The following TTC23L variants were observed in gnomAD, a reference collection of about 807,000 sequenced individuals.
The protein encoded by TTC23L is tetratricopeptide repeat domain 23 like.
Under a neutral mutation model 48.1 loss-of-function variants are expected in TTC23L, and 42 were observed. The observed-to-expected ratio is 0.87, with a 90% CI of 0.68 to 1.13. TTC23L has a LOEUF of 1.13. Among genes scored for constraint, TTC23L ranks in the 50% most tolerant of loss-of-function variants. The pLI is 0.00. For missense variants in TTC23L, 391 were observed against 421.0 expected (o/e 0.93, Z 0.62); for synonymous variants, 159 against 157.2 (o/e 1.01, Z -0.09).
chr5:34,882,079 C>G (rs1762261301), intron 9 of TTC23L, among the ~76,000 whole-genome samples: 1 of 152,160 alleles, frequency 6.6e-6, no homozygotes, highest in South Asian at 2.1e-4. Context: ...CATGAGATCC[C>G]AATGCCATGG....
At chr5:34,915,232 C>A in the TTC23L span, 3 of 328,540 alleles carry the variant, frequency 9.1e-6, no homozygotes, top group Non-Finnish European at 1.7e-5. Flanking sequence ...AGCTACAAAT[C>A]CGCGGGGAGT....
Position 34,896,761 on chromosome 5 carries a change from T to C in TTC23L, c.1078-9T>C. On this transcript the variant is annotated splice_polypyrimidine_tract_variant and intron_variant, in intron 9 of 10. Transcript: ENST00000505624. ...ATAGAGAGGGTGACATTTGAGCCAT[T>C]TCTTAAAGGACAAGTAGCAGTTCAT... The C allele has an allele frequency of 1.3e-6, 1 of 769,644 alleles. No individual in the cohort carries two copies. The highest frequency in any genetic ancestry group is 2.4e-5 in the East Asian group (1 of 41,006). The allele number at this position is 769,644 out of a possible 1,614,324, so 47.7% of individuals were successfully genotyped here. A position where few individuals can be genotyped will look rare whatever the true frequency, so the allele number is the denominator to read the frequency against.
chr5:34,846,657 ATATGTGTGTATG>A (rs1188540213), intron 3 of TTC23L, among the ~76,000 whole-genome samples: 16 of 100,288 alleles, frequency 1.6e-4, no homozygotes, highest in African/African-American at 5.7e-4. Flanking sequence ...ACAAATACAT[ATATGTGTGTATG>A]TGTGTGTGTG....
chr5:34,866,985 A>G (rs746083616), exon 7 of TTC23L: 1 of 1,611,722 alleles, frequency 6.2e-7, no homozygotes, highest in Non-Finnish European at 8.5e-7. Context: ...ATAGGACGTC[A>G]GATCTGATCA....
At chr5:34,884,370 C>T (rs1762418411) in intron 9 of TTC23L, among the ~76,000 whole-genome samples, 1 of 152,158 alleles carries the variant, frequency 6.6e-6, no homozygotes, top group African/African-American at 2.4e-5. Flanking sequence ...AGGATGCCCA[C>T]TTTTGCCACC....
downstream of TTC23L, among the ~76,000 whole-genome samples, chr5:34,903,764 A>G (rs1232147748): frequency 2.0e-5 from 3 of 152,190 alleles, no homozygotes; most frequent in African/African-American, 4.8e-5. Context: ...ACCCAATCCA[A>G]TCAAACACCT....
intron 8 of TTC23L, among the ~76,000 whole-genome samples, chr5:34,871,381 A>T (rs1211925054): frequency 6.6e-6 from 1 of 152,186 alleles, no homozygotes; most frequent in Admixed American, 6.5e-5. Flanking sequence ...TATGTGCTGA[A>T]AACTACAAAA....
chr5:34,917,851 A>C, the TTC23L span, among the ~76,000 whole-genome samples: 1 of 152,178 alleles, frequency 6.6e-6, no homozygotes, highest in Admixed American at 6.6e-5. Flanking sequence ...GGGCTAAGAA[A>C]GAACTTTTAG....
chr5:34,903,791 C>A (rs1480043176), downstream of TTC23L, among the ~76,000 whole-genome samples: 1 of 152,080 alleles, frequency 6.6e-6, no homozygotes, highest in East Asian at 1.9e-4. Context: ...TCTAACAGAT[C>A]TGAGCTAACA....
intron 9 of TTC23L, among the ~76,000 whole-genome samples, chr5:34,881,709 A>G (rs996996596): frequency 1.3e-5 from 2 of 151,694 alleles, no homozygotes; most frequent in East Asian, 1.9e-4. Context: ...CAAAAACCTT[A>G]TAATGATTTG....
At chr5:34,850,262 T>C (rs1561123764) in exon 4 of TTC23L, 1 of 1,613,946 alleles carries the variant, frequency 6.2e-7, no homozygotes, top group Non-Finnish European at 8.5e-7. Flanking sequence ...ACTGGAAATG[T>C]GCACGAGCTC....
the TTC23L span, chr5:34,908,898 C>T: frequency 6.2e-7 from 1 of 1,611,916 alleles, no homozygotes; most frequent in South Asian, 1.1e-5. Flanking sequence ...AGATACCTTA[C>T]AAGATAGGAC....
chr5:34,891,466 G>A (rs971556527), intron 9 of TTC23L, among the ~76,000 whole-genome samples: 18 of 152,166 alleles, frequency 1.2e-4, no homozygotes, highest in African/African-American at 4.3e-4. Context: ...ATAAGTGTTC[G>A]TAAAACACCC....
intron 9 of TTC23L, among the ~76,000 whole-genome samples, chr5:34,887,867 T>C (rs1479453343): frequency 6.6e-6 from 1 of 152,228 alleles, no homozygotes; most frequent in Non-Finnish European, 1.5e-5. Context: ...CCATAGCATA[T>C]ACATTGTAAG....
At chr5:34,852,473 A>AC (rs1157672568) in intron 4 of TTC23L, among the ~76,000 whole-genome samples, 1 of 77,992 alleles carries the variant, frequency 1.3e-5, no homozygotes, top group African/African-American at 5.3e-5. Flanking sequence ...CTTGTGTTAT[A>AC]AAATGAGAGA....
chr5:34,849,901 G>C (rs538687725), intron 3 of TTC23L, among the ~76,000 whole-genome samples: 43 of 152,294 alleles, frequency 2.8e-4, no homozygotes, highest in Admixed American at 2.0e-3. Flanking sequence ...TAGACTGTGA[G>C]GGCCAGAGAG....
intron 8 of TTC23L, among the ~76,000 whole-genome samples, chr5:34,878,082 A>T (rs1330718164): frequency 6.6e-6 from 1 of 152,200 alleles, no homozygotes; most frequent in East Asian, 1.9e-4. Context: ...TTACATTAGC[A>T]CTCCAAGAAA....
At chr5:34,841,731 G>C (rs1758694649) in intron 2 of TTC23L, among the ~76,000 whole-genome samples, 1 of 152,106 alleles carries the variant, frequency 6.6e-6, no homozygotes, top group Non-Finnish European at 1.5e-5. Context: ...TACCTAGGCT[G>C]GTCTGGAACT....
chr5:34,894,681 T>G (rs1307340111), intron 9 of TTC23L, among the ~76,000 whole-genome samples: 1 of 152,144 alleles, frequency 6.6e-6, no homozygotes, highest in African/African-American at 2.4e-5. Context: ...ATGGCCTGGG[T>G]TATAATCCCA....
Sources: gnomAD v4.1 joint callset for allele counts (sites outside exome capture counted in the v4.1 genomes callset) on GRCh38, gnomAD v4.1.1 for gene constraint, MANE v1.5 for transcripts, NCBI Gene and HGNC (gene_info 2026-07-23, HGNC 2026-07-21) for gene names.